Variants in CYTH4 observed in about 807,000 individuals in gnomAD.
The protein encoded by CYTH4 is cytohesin-4.
A neutral mutation model predicts 57.5 loss-of-function variants in CYTH4; 22 were observed. The observed-to-expected ratio is 0.38, with a 90% confidence interval of 0.27 to 0.55. The LOEUF (loss-of-function observed/expected upper bound fraction) is 0.55. CYTH4 is among the 20% of genes least tolerant of loss of function. CYTH4 has a pLI of 0.74. For missense variants in CYTH4, 420 were observed against 535.6 expected, an observed-to-expected ratio of 0.78 and a Z score of 2.13; for synonymous variants, 186 against 206.5, an observed-to-expected ratio of 0.90 and a Z score of 0.85.
chr22:37,294,171 G>T (rs1928855996), intron 2 of CYTH4, among the ~76,000 whole-genome samples: 1 of 139,596 alleles, frequency 7.2e-6, no homozygotes, highest in South Asian at 2.4e-4. Flanking sequence ...GGCGGGCAGG[G>T]TGGAGGTGGG....
At chr22:37,303,180 G>C in intron 7 of CYTH4, 74 bp from the exon 8 acceptor site, 1 of 1,583,866 alleles carries the variant, frequency 6.3e-7, no homozygotes, top group Middle Eastern at 1.7e-4. Flanking sequence ...GGCAGTTCTG[G>C]GCCCTGGAAG....
chr22:37,284,979 G>T (rs1174561681), intron 1 of CYTH4, among the ~76,000 whole-genome samples: 1 of 152,098 alleles, frequency 6.6e-6, no homozygotes, highest in Non-Finnish European at 1.5e-5. Context: ...GCCGCACTCC[G>T]CAGAGCCTGT....
In CYTH4 at chr22:37,313,711, A is replaced by G; in HGVS notation, c.*200A>G. ...GCTGCAGTGGGCTCAGAGTCCAGCAATGAGGCCCCCTGGCCTGGGCACCCA... is the reference window on the plus strand; with the variant it reads ...GCTGCAGTGGGCTCAGAGTCCAGCAGTGAGGCCCCCTGGCCTGGGCACCCA... On this transcript the variant is annotated 3_prime_UTR_variant, in exon 13 of 13. Coordinates refer to ENST00000248901, the MANE Select transcript of CYTH4 (RefSeq NM_013385.5). 5.0e-6 allele frequency: 3 copies of G among 599,880 alleles called. No individual in the cohort carries two copies. 37.2% of individuals were successfully genotyped at this position (599,880 alleles called of 1,614,324 possible). A position where few individuals can be genotyped will look rare whatever the true frequency, so the allele number is the denominator to read the frequency against.
intron 6 of CYTH4, chr22:37,300,099 A>C: frequency 1.4e-6 from 1 of 717,604 alleles, no homozygotes; most frequent in Non-Finnish European, 2.6e-6. Flanking sequence ...GAAAGTGTTT[A>C]AAACTGGTCC....
chr22:37,306,385 T>C (rs1325781802), intron 8 of CYTH4, among the ~76,000 whole-genome samples: 1 of 152,222 alleles, frequency 6.6e-6, no homozygotes, highest in Non-Finnish European at 1.5e-5. Flanking sequence ...TTGGACACAG[T>C]ACTAAGTACT....
chr22:37,296,350 C>G (rs943975020), intron 4 of CYTH4: 1 of 451,672 alleles, frequency 2.2e-6, no homozygotes, highest in Non-Finnish European at 4.0e-6. Context: ...CCTCCATTTC[C>G]TTCTCCATGA....
At chr22:37,307,326 G>A (rs773414164) in intron 8 of CYTH4, among the ~76,000 whole-genome samples, 39 of 152,310 alleles carry the variant, frequency 2.6e-4, no homozygotes, top group Non-Finnish European at 3.8e-4. Flanking sequence ...GAAGACCCCC[G>A]TCTGCCCCCC....
chr22:37,284,864 C>T (rs906036929), intron 1 of CYTH4, among the ~76,000 whole-genome samples: 6 of 152,174 alleles, frequency 3.9e-5, no homozygotes, highest in Non-Finnish European at 7.3e-5. Flanking sequence ...AGCAAAGCCC[C>T]AGTGTGGCCA....
In CYTH4 at chr22:37,284,380, G is replaced by A. The variant is rs55820569; in HGVS notation, c.19+1792G>A. 6.7e-3 allele frequency among the ~76,000 whole-genome samples: 1,024 copies of A among 152,266 alleles called. 5 individuals carry two copies. The highest frequency in any genetic ancestry group is 0.024 in the African/African-American group (977 of 41,538). On this transcript the variant is annotated intron_variant, in intron 1 of 12. Coordinates refer to ENST00000248901, the MANE Select transcript of CYTH4 (RefSeq NM_013385.5). ...CAGGAGCCACATCCTGCAGGACCCT[G>A]ACCCAGCTGTGCAAATGGACACAGA...
intron 8 of CYTH4, among the ~76,000 whole-genome samples, chr22:37,306,486 GGAGTCCTGATTCAAACCCAT>G (rs1276815732): frequency 6.6e-6 from 1 of 152,240 alleles, no homozygotes; most frequent in Non-Finnish European, 1.5e-5. Flanking sequence ...TAGTTTATGA[GGAGTCCTGATTCAAACCCAT>G]GACTGACTTC....
rs12628652 is a variant in CYTH4, at chr22:37,313,317, C to G, written c.1113-122C>G. 8 of 952,328 alleles carry G rather than the reference C, an allele frequency of 8.4e-6. No homozygotes were observed. In the East Asian group the frequency reaches 1.7e-4, roughly 20 times the overall value. The allele number at this position is 952,328 out of a possible 1,614,324, so 59.0% of individuals were successfully genotyped here. A position where few individuals can be genotyped will look rare whatever the true frequency, so the allele number is the denominator to read the frequency against. The stretch of plus-strand genomic sequence containing the variant: ...CCTTTGTTGGGGCCATCTGGCCTTT[C>G]CCCCGCGGCAGAGCAGGCTGACACC... On this transcript the variant is annotated intron_variant, in intron 12 of 12. Coordinates refer to ENST00000248901, the MANE Select transcript of CYTH4 (RefSeq NM_013385.5).
chr22:37,299,260 G>A lies in CYTH4; in HGVS notation c.388G>A (p.Val130Met), dbSNP rs766037183. The change falls in exon 6 of 13, where the codon GTG becomes ATG. Residue 130 changes from valine (V) to methionine (M), a missense_variant. Val to Met is a conservative substitution (Grantham distance 21). Coordinates refer to ENST00000248901, the MANE Select transcript of CYTH4 (RefSeq NM_013385.5). ...CAACCTGCAGGTCCTCCAGGCCTTCGTGGACTGCCACGAGTTCGCCAACCT... is the reference window on the plus strand; with the variant it reads ...CAACCTGCAGGTCCTCCAGGCCTTCATGGACTGCCACGAGTTCGCCAACCT... ...PINLQVLQAF[V>M]DCHEFANLNL... 13 of 1,613,862 alleles carry A rather than the reference G, an allele frequency of 8.1e-6. No homozygotes were observed. Among genetic ancestry groups the A allele is most frequent in the South Asian group, 5.5e-5 (5 of 91,076 alleles).
chr22:37,298,000 TC>T (rs1420800904), intron 5 of CYTH4: 1 of 222,286 alleles, frequency 4.5e-6, no homozygotes, highest in African/African-American at 2.3e-5. Context: ...GAGAGACAGG[TC>T]TCAATAGTTG....
chr22:37,293,291 T>C (rs1438963908), intron 2 of CYTH4, among the ~76,000 whole-genome samples: 1 of 152,150 alleles, frequency 6.6e-6, no homozygotes, highest in Non-Finnish European at 1.5e-5. Context: ...GGCACAAAAT[T>C]ATTCACTCAG....
chr22:37,288,826 C>T lies in CYTH4; in HGVS notation c.20-3795C>T, dbSNP rs1928646650. ...TCAAGACCGCCCCATGGCTCCATTCCATCCGGCCAGCACCTTCCGATGAAA... is the reference window on the plus strand; with the variant it reads ...TCAAGACCGCCCCATGGCTCCATTCTATCCGGCCAGCACCTTCCGATGAAA... On this transcript the variant is annotated intron_variant, in intron 1 of 12. Transcript: ENST00000248901. 2.0e-5 allele frequency among the ~76,000 whole-genome samples: 3 copies of T among 152,238 alleles called. No individual in the cohort carries two copies. The South Asian group carries it at 6.2e-4, about 31-fold the overall frequency.
rs533120968 is a variant in CYTH4 at position 37,285,774 on chromosome 22, G to A, written c.19+3186G>A. Among the ~76,000 whole-genome samples the A allele has an allele frequency of 2.6e-5, 4 of 152,138 alleles. 1 individual carries two copies. The South Asian group carries it at 8.3e-4, about 31-fold the overall frequency. The stretch of plus-strand genomic sequence containing the variant: ...AGCCTACACCGGTGCCTGAAACTCT[G>A]AAATGGGGAGGAATCTCCTCTTTTT... On this transcript the variant is annotated intron_variant, in intron 1 of 12. Transcript: ENST00000248901.
intron 2 of CYTH4, among the ~76,000 whole-genome samples, chr22:37,294,249 G>A: frequency 7.1e-6 from 1 of 141,642 alleles, no homozygotes. Flanking sequence ...CAGGGTGGAG[G>A]CGGGCAGGGT....
intron 1 of CYTH4, among the ~76,000 whole-genome samples, chr22:37,284,756 C>T (rs984926750): frequency 3.3e-5 from 5 of 152,288 alleles, no homozygotes; most frequent in South Asian, 2.1e-4. Context: ...TCAGGGGCCC[C>T]CAGGGCTGCC....
chr22:37,294,720 G>A lies in CYTH4; in HGVS notation c.163G>A (p.Glu55Lys). ...AQIDCFESAE[E>K]SRMAQKEKEL... ...AATCGACTGCTTCGAGAGTGCGGAG[G>A]AGAGGTGAGGGGCTTGGGTGGGGAC... The change falls in exon 3 of 13, where the codon GAG (glutamate) becomes AAG (lysine). Residue 55 changes from glutamate (E) to lysine (K), a missense_variant. Physicochemically the swap from Glu to Lys is moderately conservative, Grantham distance 56. Transcript: ENST00000248901. 6.2e-7 allele frequency: 1 copy of A among 1,613,806 alleles called. No homozygotes were observed. Among genetic ancestry groups the A allele is most frequent in the Non-Finnish European group, 8.5e-7 (1 of 1,179,782 alleles).
Sources: gnomAD v4.1 joint callset for allele counts (sites outside exome capture counted in the v4.1 genomes callset) on GRCh38, gnomAD v4.1.1 for gene constraint, MANE v1.5 for transcripts, NCBI Gene and HGNC (gene_info 2026-07-23, HGNC 2026-07-21) for gene names.